The following UBR2 variants were observed in gnomAD, a reference collection of about 807,000 sequenced individuals.
UBR2 encodes E3 ubiquitin-protein ligase UBR2.
UBR2 carries 92 observed loss-of-function variants against 247.9 expected under a neutral mutation model. That is an observed-to-expected ratio of 0.37 (90% confidence interval 0.31 to 0.44). The LOEUF (loss-of-function observed/expected upper bound fraction) is 0.44. Ranked by LOEUF, UBR2 falls within the 20% of genes least tolerant of loss-of-function variation. The pLI is 1.00. For missense variants in UBR2, 1,613 were observed against 2,112.6 expected, an observed-to-expected ratio of 0.76 and a Z score of 4.64; for synonymous variants, 672 against 693.5, an observed-to-expected ratio of 0.97 and a Z score of 0.49.
Position 42,573,774 on chromosome 6 carries a change from A to C in UBR2, c.119A>C (p.Gln40Pro). 2 of 1,604,402 alleles carry C rather than the reference A, an allele frequency of 1.2e-6. No homozygotes were observed. Among genetic ancestry groups the C allele is most frequent in the Non-Finnish European group, 1.7e-6 (2 of 1,174,224 alleles). Residue 40 changes from glutamine to proline, a missense_variant, in exon 2 of 47, where the codon CAG (glutamine) becomes CCG (proline). By Grantham distance (76) the Gln-to-Pro change is moderately conservative. This residue lies in a region of UBR2 where 1,524 missense variants were observed against 1,967.3 expected (regional missense o/e 0.77). Transcript: ENST00000372901. ...QATDLTREVY[Q>P]HLAHYVPKIY... Reference sequence around the variant, plus strand: ...ACTGACCTCACTAGAGAAGTGTACCAGCATTTAGCCCACTATGTACCCAAA... The same window carrying C: ...ACTGACCTCACTAGAGAAGTGTACCCGCATTTAGCCCACTATGTACCCAAA...
In UBR2 at chr6:42,579,421, A is replaced by G. The variant is rs182382717; in HGVS notation, c.338+5428A>G. Among the ~76,000 whole-genome samples, 150 of 152,304 alleles carry G rather than the reference A, an allele frequency of 9.8e-4. 2 individuals are homozygous for G. The highest frequency in any genetic ancestry group is 9.6e-4 in the East Asian group (5 of 5,190). On this transcript the variant is annotated intron_variant, in intron 2 of 46. Transcript: ENST00000372901. Reference sequence around the variant, plus strand: ...CCAACATTGGGGATTACAATTCAACATGAGATTTAGAGGGGACACATATCC... The same window carrying G: ...CCAACATTGGGGATTACAATTCAACGTGAGATTTAGAGGGGACACATATCC...
At chr6:42,653,327 C>A (rs1234441883) in intron 25 of UBR2, among the ~76,000 whole-genome samples, 2 of 152,282 alleles carry the variant, frequency 1.3e-5, no homozygotes, top group South Asian at 2.1e-4. Context: ...AAGCAATCCT[C>A]CCCCCTCGGC....
rs1338295385 is a variant in UBR2 at position 42,659,556 on chromosome 6, C to CT, written c.3243-100_3243-99insT. On this transcript the variant is annotated intron_variant, in intron 29 of 46. Coordinates refer to ENST00000372901, the MANE Select transcript of UBR2 (RefSeq NM_001363705.2). The surrounding 1 kb of genome is among the most constrained non-coding windows in gnomAD (Gnocchi z 4.3). ...ACACACACACACACACACACACACA[C>CT]ACACACTACACACACACACACATAC... The CT allele has an allele frequency of 6.2e-4, 489 of 793,622 alleles. No individual in the cohort carries two copies. Among genetic ancestry groups the CT allele is most frequent in the African/African-American group, 4.5e-3 (243 of 53,746 alleles). 49.2% of individuals were successfully genotyped at this position (793,622 alleles called of 1,614,324 possible). A position where few individuals can be genotyped will look rare whatever the true frequency, so the allele number is the denominator to read the frequency against.
chr6:42,666,277 G>A, intron 34 of UBR2, 32 bp downstream of exon 34: 1 of 1,553,072 alleles, frequency 6.4e-7, no homozygotes. Flanking sequence ...TTTAATATTT[G>A]ACCCATTTGA....
At chr6:42,628,820 C>G (rs957042143) in intron 11 of UBR2, among the ~76,000 whole-genome samples, 5 of 151,568 alleles carry the variant, frequency 3.3e-5, no homozygotes, top group Non-Finnish European at 5.9e-5. Context: ...AGCATTATCC[C>G]TGTATGCTAT....
intron 8 of UBR2, among the ~76,000 whole-genome samples, chr6:42,614,415 C>CGTACATACATACGTATAGATGTAT (rs1554250447): frequency 1.1e-5 from 1 of 89,184 alleles, no homozygotes; most frequent in Admixed American, 1.1e-4. Context: ...TATGTATGTA[C>CGTACATACATACGTATAGATGTAT]GTACGTACAT....
intron 11 of UBR2, chr6:42,619,994 G>A (rs1268665471): frequency 2.1e-6 from 2 of 947,012 alleles, no homozygotes; most frequent in Admixed American, 6.2e-5. Context: ...ACAGGCTATG[G>A]TAGTATTTAG....
chr6:42,578,278 C>T (rs1791650488), intron 2 of UBR2, among the ~76,000 whole-genome samples: 1 of 152,136 alleles, frequency 6.6e-6, no homozygotes, highest in Non-Finnish European at 1.5e-5. Context: ...GTAATGCTTT[C>T]AAGGTTCACC....
intron 40 of UBR2, among the ~76,000 whole-genome samples, chr6:42,678,193 G>A (rs946516571): frequency 4.6e-5 from 7 of 152,156 alleles, no homozygotes; most frequent in Admixed American, 2.0e-4. Context: ...AAAATTAGCC[G>A]GGCGTGGTGG....
chr6:42,623,715 G>T (rs1214196937), intron 11 of UBR2, among the ~76,000 whole-genome samples: 1 of 152,150 alleles, frequency 6.6e-6, no homozygotes, highest in African/African-American at 2.4e-5. Context: ...CTCCCCAAGT[G>T]CTGGGATTAC....
At chr6:42,648,246 G>C in intron 22 of UBR2, 76 bp downstream of exon 22, 4 of 1,205,852 alleles carry the variant, frequency 3.3e-6, no homozygotes, top group Non-Finnish European at 4.9e-6. Flanking sequence ...TGTTTTCTTT[G>C]ATGCAACTGA....
intron 14 of UBR2, 62 bp from the exon 15 acceptor site, chr6:42,636,949 C>T (rs999499177): frequency 3.0e-5 from 46 of 1,534,092 alleles, no homozygotes; most frequent in Non-Finnish European, 3.7e-5. Context: ...ATTTAAGGTG[C>T]TTATTCAATG....
In UBR2 at chr6:42,617,862, C is replaced by T. The variant is rs930669291; in HGVS notation, c.1281+355C>T. ...TAGAATTAGACAGCATATTGTACAC[C>T]GTCTCACAATTTGAGAAGTCCTCCT... On this transcript the variant is annotated intron_variant, in intron 11 of 46. Coordinates refer to ENST00000372901, the MANE Select transcript of UBR2 (RefSeq NM_001363705.2). Among the ~76,000 whole-genome samples the T allele has an allele frequency of 2.6e-5, 4 of 152,136 alleles. No homozygotes were observed. The South Asian group carries it at 6.2e-4, about 24-fold the overall frequency.
chr6:42,596,250 A>G (rs1189115935), intron 4 of UBR2, among the ~76,000 whole-genome samples: 1 of 151,530 alleles, frequency 6.6e-6, no homozygotes, highest in Non-Finnish European at 1.5e-5. Context: ...AAACACATGA[A>G]AAGATGCTGA....
chr6:42,684,928 A>C, intron 44 of UBR2, 57 bp downstream of exon 44: 1 of 1,411,640 alleles, frequency 7.1e-7, no homozygotes. Flanking sequence ...CTCTCTACAA[A>C]GAATTTGAAG....
Position 42,585,711 on chromosome 6 carries a change from CAT to C in UBR2, c.339-6438_339-6437del, listed in dbSNP as rs1232973666. On this transcript the variant is annotated intron_variant, in intron 2 of 46. Transcript: ENST00000372901. ...ATTTCATCATATAATGTCAAATTGA[CAT>C]AAAATTGTGCCTATTTCCTTTTGCT... Among the ~76,000 whole-genome samples, 3 of 152,118 alleles carry C rather than the reference CAT, an allele frequency of 2.0e-5. No homozygotes were observed. The East Asian group carries it at 5.8e-4, about 29-fold the overall frequency.
intron 22 of UBR2, among the ~76,000 whole-genome samples, chr6:42,650,032 A>G (rs1424678130): frequency 1.3e-5 from 2 of 152,208 alleles, no homozygotes; most frequent in East Asian, 1.9e-4. Context: ...AGACTTTTTA[A>G]TTGTTGCCAC....
intron 39 of UBR2, 104 bp from the exon 40 acceptor site, chr6:42,676,679 G>T: frequency 1.1e-6 from 1 of 898,046 alleles, no homozygotes; most frequent in Non-Finnish European, 1.8e-6. Flanking sequence ...AATACTTCAT[G>T]TTATATGTGA....
At chr6:42,645,730 CTTA>C (rs1277521768) in intron 21 of UBR2, 140 bp downstream of exon 21, 7 of 836,424 alleles carry the variant, frequency 8.4e-6, no homozygotes, top group Admixed American at 2.7e-5. Context: ...TCCGGTCACT[CTTA>C]TTATGAATAA....
Sources: gnomAD v4.1 joint callset for allele counts (sites outside exome capture counted in the v4.1 genomes callset) on GRCh38, gnomAD v4.1.1 for gene constraint, gnomAD v4.1.1 regional missense constraint, Gnocchi (gnomAD v3.1) non-coding constraint, MANE v1.5 for transcripts, NCBI Gene and HGNC (gene_info 2026-07-23, HGNC 2026-07-21) for gene names.